Variants in DIP2C observed in about 807,000 individuals in gnomAD.
DIP2C encodes disco-interacting protein 2 homolog C.
In DIP2C, 33 loss-of-function variants were observed where a neutral mutation model predicts 192.4. The ratio of observed to expected loss-of-function variants is 0.17; its 90% CI spans 0.13 to 0.23. The LOEUF (loss-of-function observed/expected upper bound fraction) is 0.23. Among genes scored for constraint, DIP2C ranks in the 10% least tolerant of loss-of-function variants. The pLI, the probability that DIP2C is intolerant of heterozygous loss-of-function variation, is 1.00. For synonymous variants in DIP2C, 979 were observed against 864.1 expected, an observed-to-expected ratio of 1.13 and a Z score of -2.33; for missense variants, 1,537 against 2,110.1, an observed-to-expected ratio of 0.73 and a Z score of 5.32.
At position 336,830 on chromosome 10, in the gene DIP2C, C is replaced by CTG. The variant is rs1266923996; in HGVS notation, c.3584+4367_3584+4368dup. 7.7e-4 allele frequency among the ~76,000 whole-genome samples: 112 copies of CTG among 145,256 alleles called. 1 individual carries two copies. The South Asian group carries it at 0.011, about 14-fold the overall frequency. On this transcript the variant is annotated intron_variant, in intron 29 of 36. Coordinates refer to ENST00000280886, the MANE Select transcript of DIP2C (RefSeq NM_014974.3). Reference sequence around the variant, plus strand: ...CCTGGCCCTGTGGAGGCCTAGGCAGCTGTGTGTGTGTGTGTTGTGGAGGCC... The same window carrying CTG: ...CCTGGCCCTGTGGAGGCCTAGGCAGCTGTGTGTGTGTGTGTGTTGTGGAGGCC...
chr10:585,093 G>T (rs1022776869), intron 1 of DIP2C, among the ~76,000 whole-genome samples: 3 of 152,184 alleles, frequency 2.0e-5, no homozygotes, highest in African/African-American at 7.2e-5. Flanking sequence ...CACCTCTCCA[G>T]CAGAAAGAGC....
intron 1 of DIP2C, among the ~76,000 whole-genome samples, chr10:552,634 A>AG (rs1249876845): frequency 4.6e-5 from 7 of 152,316 alleles, no homozygotes; most frequent in Admixed American, 3.3e-4. Flanking sequence ...GCGGATCACG[A>AG]GGTCAGGAGA....
In DIP2C at chr10:314,397, T is replaced by C. The variant is rs563123429; in HGVS notation, c.3925-4305A>G. On this transcript the variant is annotated intron_variant, in intron 31 of 36. Transcript: ENST00000280886. Reference sequence around the variant, plus strand: ...CCCATCTTTCCTGACCCCTCTGAAGTTGCAGGGGCTTCAGCTCAGCTTCCA... The same window carrying C: ...CCCATCTTTCCTGACCCCTCTGAAGCTGCAGGGGCTTCAGCTCAGCTTCCA... 1.6e-4 allele frequency among the ~76,000 whole-genome samples: 24 copies of C among 152,294 alleles called. 1 individual carries two copies. The South Asian group carries it at 2.7e-3, about 17-fold the overall frequency.
At chr10:301,052 G>C (rs948448646) in intron 32 of DIP2C, among the ~76,000 whole-genome samples, 2 of 152,210 alleles carry the variant, frequency 1.3e-5, no homozygotes, top group African/African-American at 4.8e-5. Flanking sequence ...TCCAGCAGGA[G>C]GGTAGGCTCA....
intron 3 of DIP2C, among the ~76,000 whole-genome samples, chr10:454,432 C>T (rs894999075): frequency 3.9e-5 from 6 of 152,106 alleles, no homozygotes; most frequent in Non-Finnish European, 8.8e-5. Flanking sequence ...ACCCCTCAAA[C>T]CCCTCAGAGA....
chr10:370,577 C>T (rs895398015), intron 17 of DIP2C, among the ~76,000 whole-genome samples: 2 of 152,230 alleles, frequency 1.3e-5, no homozygotes, highest in African/African-American at 4.8e-5. Context: ...TGCTGCATCC[C>T]AGCCCTGGAA....
chr10:290,026 A>G (rs1176736245), intron 32 of DIP2C, among the ~76,000 whole-genome samples: 1 of 152,204 alleles, frequency 6.6e-6, no homozygotes, highest in African/African-American at 2.4e-5. Flanking sequence ...CGTGCCGGGG[A>G]GGATCCTCTG....
chr10:617,533 G>A (rs762533677), intron 1 of DIP2C, among the ~76,000 whole-genome samples: 1 of 152,114 alleles, frequency 6.6e-6, no homozygotes, highest in Admixed American at 6.5e-5. Flanking sequence ...ACTCCCAACA[G>A]TAGCTGTGGA....
chr10:366,222 C>G, intron 19 of DIP2C, 53 bp downstream of exon 19: 1 of 1,599,218 alleles, frequency 6.3e-7, no homozygotes, highest in South Asian at 1.1e-5. Context: ...GGCAAGGGCT[C>G]TTTGGAGACG....
chr10:348,615 G>C, intron 26 of DIP2C, 26 bp downstream of exon 26: 1 of 1,608,978 alleles, frequency 6.2e-7, no homozygotes, highest in Non-Finnish European at 8.5e-7. Context: ...GGCAGGTGGA[G>C]GCCCCGACAT....
At chr10:565,928 T>C (rs1051013587) in intron 1 of DIP2C, among the ~76,000 whole-genome samples, 20 of 152,226 alleles carry the variant, frequency 1.3e-4, no homozygotes, top group African/African-American at 4.3e-4. Flanking sequence ...CCGGCTTTGA[T>C]TTGCTGTTTC....
chr10:372,750 G>A (rs965617574), intron 17 of DIP2C, among the ~76,000 whole-genome samples: 6 of 151,740 alleles, frequency 4.0e-5, no homozygotes, highest in East Asian at 2.0e-4. Flanking sequence ...ACAGAAGCAC[G>A]GGTGCTCCCG....
intron 4 of DIP2C, among the ~76,000 whole-genome samples, chr10:431,539 G>A (rs960598323): frequency 6.6e-6 from 1 of 152,026 alleles, no homozygotes; most frequent in African/African-American, 2.4e-5. Context: ...TGCCTGCCTT[G>A]GCCTCCCAAA....
At chr10:478,819 G>A (rs917631235) in intron 2 of DIP2C, among the ~76,000 whole-genome samples, 16 of 147,264 alleles carry the variant, frequency 1.1e-4, no homozygotes, top group African/African-American at 2.8e-4. Flanking sequence ...CTCACTCATC[G>A]CGTGTCCGGG....
intron 1 of DIP2C, among the ~76,000 whole-genome samples, chr10:516,193 C>A (rs754869573): frequency 5.7e-4 from 83 of 144,844 alleles, no homozygotes; most frequent in Non-Finnish European, 8.8e-4. Flanking sequence ...ATCTTCCGGG[C>A]AGGAAAGATG....
At chr10:361,948 T>G (rs565134227) in intron 22 of DIP2C, among the ~76,000 whole-genome samples, 2 of 150,406 alleles carry the variant, frequency 1.3e-5, no homozygotes, top group South Asian at 2.1e-4. Flanking sequence ...AACAACAGTG[T>G]GGGGGGAAAA....
chr10:535,390 A>AT (rs1474765879), intron 1 of DIP2C, among the ~76,000 whole-genome samples: 6 of 151,806 alleles, frequency 4.0e-5, no homozygotes, highest in Non-Finnish European at 7.4e-5. Flanking sequence ...CTCGGGGGGC[A>AT]TTTCCCTTCA....
chr10:586,854 G>C (rs1182944120), intron 1 of DIP2C, among the ~76,000 whole-genome samples: 1 of 126,432 alleles, frequency 7.9e-6, no homozygotes, highest in Non-Finnish European at 1.5e-5. Flanking sequence ...CATTTTGTGG[G>C]GAAAACCCCA....
intron 1 of DIP2C, among the ~76,000 whole-genome samples, chr10:610,390 G>A (rs1020889020): frequency 6.6e-6 from 1 of 152,116 alleles, no homozygotes. Context: ...AAACCAGCAG[G>A]GGAATGTCAG....
Sources: gnomAD v4.1 joint callset for allele counts (sites outside exome capture counted in the v4.1 genomes callset) on GRCh38, gnomAD v4.1.1 for gene constraint, MANE v1.5 for transcripts, NCBI Gene and HGNC (gene_info 2026-07-23, HGNC 2026-07-21) for gene names.